GAB2: variants seen among roughly 807,000 people sequenced by gnomAD.
The protein encoded by GAB2 is GRB2-associated-binding protein 2.
GAB2 carries 26 observed loss-of-function variants against 65.5 expected under a neutral mutation model. The ratio of observed to expected loss-of-function variants is 0.40; its 90% CI spans 0.29 to 0.55. GAB2 has a LOEUF of 0.55. GAB2 is among the 20% of genes least tolerant of loss of function. The pLI, the probability that GAB2 is intolerant of heterozygous loss-of-function variation, is 0.53. For synonymous variants in GAB2, 321 were observed against 329.6 expected (o/e 0.97, Z 0.28); for missense variants, 884 against 875.8 (o/e 1.01, Z -0.12).
chr11:78,291,572 T>TC (rs1866681737), intron 1 of GAB2, among the ~76,000 whole-genome samples: 1 of 117,528 alleles, frequency 8.5e-6, no homozygotes, highest in African/African-American at 3.1e-5. Context: ...TTTTTTTTTT[T>TC]TTTTTTTTTT....
intron 2 of GAB2, 29 bp from the exon 3 acceptor site, chr11:78,250,429 A>C: frequency 6.2e-7 from 1 of 1,603,318 alleles, no homozygotes; most frequent in Non-Finnish European, 8.5e-7. Flanking sequence ...TCTGTGAATG[A>C]AAAAGGAAGG....
intron 2 of GAB2, among the ~76,000 whole-genome samples, chr11:78,266,591 G>A (rs1272033220): frequency 6.6e-6 from 1 of 152,182 alleles, no homozygotes; most frequent in African/African-American, 2.4e-5. Flanking sequence ...CACACTTGAG[G>A]TTAACCCCCA....
intron 1 of GAB2, among the ~76,000 whole-genome samples, chr11:78,388,396 A>G (rs1856795063): frequency 6.6e-6 from 1 of 150,540 alleles, no homozygotes. Context: ...GCATGATCAC[A>G]CGTCACTGCA....
chr11:78,230,905 G>A (rs911430739), intron 3 of GAB2, among the ~76,000 whole-genome samples: 4 of 152,198 alleles, frequency 2.6e-5, no homozygotes. Flanking sequence ...CTTAACTGAG[G>A]CCTGTGTCAC....
At chr11:78,364,704 T>C (rs2134720792) in intron 1 of GAB2, among the ~76,000 whole-genome samples, 1 of 152,294 alleles carries the variant, frequency 6.6e-6, no homozygotes, top group South Asian at 2.1e-4. Flanking sequence ...TGATAGGCCT[T>C]GAGTTTGCTA....
intron 1 of GAB2, among the ~76,000 whole-genome samples, chr11:78,289,640 T>TA (rs1278953362): frequency 6.6e-6 from 1 of 151,708 alleles, no homozygotes; most frequent in Non-Finnish European, 1.5e-5. Flanking sequence ...GTAAGCACCA[T>TA]AAAAAAAGAC....
At chr11:78,288,858 A>G (rs372001390) in intron 1 of GAB2, among the ~76,000 whole-genome samples, 3 of 152,268 alleles carry the variant, frequency 2.0e-5, no homozygotes, top group African/African-American at 4.8e-5. Flanking sequence ...AGGAAGCACA[A>G]TAGCTAAAAT....
At chr11:78,299,332 C>T (rs1866928032) in intron 1 of GAB2, among the ~76,000 whole-genome samples, 1 of 152,138 alleles carries the variant, frequency 6.6e-6, no homozygotes, top group African/African-American at 2.4e-5. Context: ...TTATTGTTCC[C>T]ACCATCACTT....
chr11:78,242,670 C>T (rs1459589383), intron 3 of GAB2, among the ~76,000 whole-genome samples: 2 of 151,956 alleles, frequency 1.3e-5, no homozygotes, highest in Non-Finnish European at 1.5e-5. Context: ...AAATAAACAT[C>T]CTAATGATGC....
At chr11:78,408,301 T>G (rs531052660) in intron 1 of GAB2, among the ~76,000 whole-genome samples, 1 of 152,322 alleles carries the variant, frequency 6.6e-6, no homozygotes, top group South Asian at 2.1e-4. Context: ...TGTAAAATGA[T>G]GATACAGACT....
At chr11:78,272,226 G>A (rs1297269985) in intron 2 of GAB2, among the ~76,000 whole-genome samples, 1 of 152,222 alleles carries the variant, frequency 6.6e-6, no homozygotes, top group South Asian at 2.1e-4. Flanking sequence ...AAATATGGAA[G>A]TGACAGGAAC....
chr11:78,221,850 G>T, intron 7 of GAB2, 71 bp from the exon 8 acceptor site: 1 of 1,084,548 alleles, frequency 9.2e-7, no homozygotes, highest in Non-Finnish European at 1.4e-6. Context: ...CCTCCAGCTG[G>T]GCCCTGACCC....
chr11:78,216,353 C>A lies in GAB2; in HGVS notation c.*2919G>T, dbSNP rs75865244. On this transcript the variant is annotated 3_prime_UTR_variant, in exon 10 of 10. Transcript: ENST00000361507. Reference sequence around the variant, plus strand: ...CGTAGGCTCAGTCCTCTCCAGGCCCCCAGGAGAGGTGGACTTTGACCCATG... The same window carrying A: ...CGTAGGCTCAGTCCTCTCCAGGCCCACAGGAGAGGTGGACTTTGACCCATG... 6.6e-6 allele frequency: 1 copy of A among 152,168 alleles called. No individual in the cohort carries two copies. Among genetic ancestry groups the A allele is most frequent in the African/African-American group, 2.4e-5 (1 of 41,444 alleles). 9.4% of individuals were successfully genotyped at this position (152,168 alleles called of 1,614,324 possible). A position where few individuals can be genotyped will look rare whatever the true frequency, so the allele number is the denominator to read the frequency against.
Position 78,226,717 on chromosome 11 carries a change from T to A in GAB2, c.955A>T (p.Thr319Ser), listed in dbSNP as rs1399383176. The A allele has an allele frequency of 6.2e-7, 1 of 1,613,812 alleles. No homozygotes were observed. The highest frequency in any genetic ancestry group is 8.5e-7 in the Non-Finnish European group (1 of 1,179,912). The part of the protein sequence containing the change: ...LLVDNMDVPA[T>S]PLSAYQIPRT... Reference sequence around the variant, plus strand: ...GGGATCTGGTAGGCTGAGAGTGGGGTGGCCGGAACATCCATATTGTCTACC... The same window carrying A: ...GGGATCTGGTAGGCTGAGAGTGGGGAGGCCGGAACATCCATATTGTCTACC... The change falls in exon 4 of 10, where the codon ACC (threonine) becomes TCC (serine). Residue 319 changes from threonine to serine, a missense_variant. Transcript: ENST00000361507.
At chr11:78,261,223 G>C (rs1392816863) in intron 2 of GAB2, among the ~76,000 whole-genome samples, 1 of 152,112 alleles carries the variant, frequency 6.6e-6, no homozygotes, top group Non-Finnish European at 1.5e-5. Flanking sequence ...AGGAGGTCGA[G>C]GTTGCAGTAA....
intron 1 of GAB2, among the ~76,000 whole-genome samples, chr11:78,414,553 C>A (rs945801909): frequency 3.9e-5 from 6 of 152,148 alleles, no homozygotes; most frequent in South Asian, 2.1e-4. Flanking sequence ...TATACATGTA[C>A]GTGTGTATGC....
At chr11:78,240,378 C>T (rs1395697275) in intron 3 of GAB2, among the ~76,000 whole-genome samples, 1 of 151,630 alleles carries the variant, frequency 6.6e-6, no homozygotes, top group Admixed American at 6.6e-5. Context: ...TGAGCTGATA[C>T]AGGACCCTGT....
In GAB2 at chr11:78,220,449, C is replaced by A; in HGVS notation, c.1762-5G>T. The A allele has an allele frequency of 1.3e-6, 2 of 1,559,630 alleles. No individual in the cohort carries two copies. The highest frequency in any genetic ancestry group is 1.7e-6 in the Non-Finnish European group (2 of 1,146,402). ...AGATGCAGACACTGGGTTTTGCTGTCACGAGGAGGAAAAAACTGTGAGTGA... is the reference window on the plus strand; with the variant it reads ...AGATGCAGACACTGGGTTTTGCTGTAACGAGGAGGAAAAAACTGTGAGTGA... On this transcript the variant is annotated splice_polypyrimidine_tract_variant and splice_region_variant and intron_variant, in intron 8 of 9. Transcript: ENST00000361507.
At chr11:78,282,754 A>G (rs1866369220) in intron 1 of GAB2, among the ~76,000 whole-genome samples, 1 of 152,160 alleles carries the variant, frequency 6.6e-6, no homozygotes, top group Non-Finnish European at 1.5e-5. Context: ...ACCCTGAAGC[A>G]CTACAAATGT....
Sources: allele counts gnomAD v4.1 joint callset (sites outside exome capture counted in the v4.1 genomes callset), GRCh38; gene constraint gnomAD v4.1.1; transcripts MANE v1.5; gene names NCBI Gene and HGNC (gene_info 2026-07-23, HGNC 2026-07-21).